Variants in ZSCAN22 observed in about 807,000 individuals in gnomAD.
ZSCAN22 encodes the protein zinc finger and SCAN domain containing 22.
Under a neutral mutation model 12.4 loss-of-function variants are expected in ZSCAN22, and 7 were observed. The ratio of observed to expected loss-of-function variants is 0.57; its 90% CI spans 0.32 to 1.06. The LOEUF is 1.06. Ranked by LOEUF, ZSCAN22 falls within the 50% of genes least tolerant of loss-of-function variation. The pLI, the probability that ZSCAN22 is intolerant of heterozygous loss-of-function variation, is 0.04. For missense variants in ZSCAN22, 576 were observed against 631.7 expected (o/e 0.91, Z 0.94); for synonymous variants, 243 against 255.9 (o/e 0.95, Z 0.48).
Position 58,335,450 on chromosome 19 carries a change from T to G in ZSCAN22, c.403+245T>G, listed in dbSNP as rs1004531905. Among the ~76,000 whole-genome samples, 12 of 152,216 alleles carry G rather than the reference T, an allele frequency of 7.9e-5. No individual in the cohort carries two copies. Among genetic ancestry groups the G allele is most frequent in the African/African-American group, 2.9e-4 (12 of 41,464 alleles). ...GATACGGCTATATCCAGAAGATCTGTTGACAGCATCAGAACTCTCTTCTTC... is the reference window on the plus strand; with the variant it reads ...GATACGGCTATATCCAGAAGATCTGGTGACAGCATCAGAACTCTCTTCTTC... On this transcript the variant is annotated intron_variant, in intron 2 of 2. Coordinates refer to ENST00000329665, the MANE Select transcript of ZSCAN22 (RefSeq NM_181846.3). The surrounding 1 kb of genome is among the most constrained non-coding windows in gnomAD (Gnocchi z 4.1).
chr19:58,333,112 C>T (rs1196077831), intron 1 of ZSCAN22, among the ~76,000 whole-genome samples: 1 of 152,208 alleles, frequency 6.6e-6, no homozygotes, highest in African/African-American at 2.4e-5. Flanking sequence ...TGTCTAGTCA[C>T]ATTCTTTGCT....
chr19:58,332,117 C>T (rs563903746), intron 1 of ZSCAN22, among the ~76,000 whole-genome samples: 4 of 151,994 alleles, frequency 2.6e-5, no homozygotes, highest in Admixed American at 6.5e-5. Context: ...GTGATCTACT[C>T]GCCTCGGTCT....
At chr19:58,328,773 A>G (rs1047477223) in intron 1 of ZSCAN22, among the ~76,000 whole-genome samples, 2 of 152,102 alleles carry the variant, frequency 1.3e-5, no homozygotes, top group African/African-American at 4.8e-5. Context: ...TGCAGCATCT[A>G]TTGTCATCCC....
At chr19:58,330,094 G>A (rs1050212455) in intron 1 of ZSCAN22, among the ~76,000 whole-genome samples, 20 of 152,120 alleles carry the variant, frequency 1.3e-4, no homozygotes, top group African/African-American at 4.8e-4. Flanking sequence ...CGAGACCATC[G>A]TGGCTAATAC....
At chr19:58,332,428 C>A (rs534015474) in intron 1 of ZSCAN22, among the ~76,000 whole-genome samples, 1 of 151,952 alleles carries the variant, frequency 6.6e-6, no homozygotes, top group East Asian at 1.9e-4. Flanking sequence ...TGCCTGCCAC[C>A]ACACCCAGCT....
At chr19:58,336,232 A>C (rs2051796285) in intron 2 of ZSCAN22, among the ~76,000 whole-genome samples, 1 of 152,184 alleles carries the variant, frequency 6.6e-6, no homozygotes, top group Non-Finnish European at 1.5e-5. Context: ...CCCGTGCAGC[A>C]CCTGAAATGG....
rs1278178715 is a variant in ZSCAN22 at position 58,339,004 on chromosome 19, G to A, written c.1154G>A (p.Cys385Tyr). 1 of 1,612,600 alleles carries A rather than the reference G, an allele frequency of 6.2e-7. No homozygotes were observed. The highest frequency in any genetic ancestry group is 8.5e-7 in the Non-Finnish European group (1 of 1,179,154). ...GAGCGGCCCTACGAGTGTGACGCGTGTGGGAAAGCCTTCAGCCAGAGCACG... is the reference window on the plus strand; with the variant it reads ...GAGCGGCCCTACGAGTGTGACGCGTATGGGAAAGCCTTCAGCCAGAGCACG... ...TGERPYECDA[C>Y]GKAFSQSTHL... The change falls in exon 3 of 3, where the codon TGT (cysteine) becomes TAT (tyrosine). Residue 385 changes from cysteine to tyrosine, a missense_variant. By Grantham distance (194) the Cys-to-Tyr change is radical (BLOSUM62 -2). Coordinates refer to ENST00000329665, the MANE Select transcript of ZSCAN22 (RefSeq NM_181846.3). The surrounding 1 kb of genome is among the most constrained non-coding windows in gnomAD (Gnocchi z 5.6).
rs1209978756 is a variant in ZSCAN22, at chr19:58,338,964, C to T, written c.1114C>T (p.Arg372Trp). 1.8e-5 allele frequency: 29 copies of T among 1,613,584 alleles called. No homozygotes were observed. Among genetic ancestry groups the T allele is most frequent in the Middle Eastern group, 3.3e-4 (2 of 6,082 alleles). ...CAGCACTCACCTCACCCAGCACCAG[C>T]GGGTGCACACGGGGGAGCGGCCCTA... ...SRSTHLTQHQ[R>W]VHTGERPYEC... The change falls in exon 3 of 3, where the codon CGG becomes TGG. Residue 372 changes from arginine to tryptophan, a missense_variant. Coordinates refer to ENST00000329665, the MANE Select transcript of ZSCAN22 (RefSeq NM_181846.3). The surrounding 1 kb of genome is among the most constrained non-coding windows in gnomAD (Gnocchi z 5.4).
chr19:58,338,252 AG>A lies in ZSCAN22; in HGVS notation c.404del. ...GTGACAGTGTGGTTCGGACTGTTTCAGGATGGGATCCAGGAGCCGAGCCCAC... is the reference window on the plus strand; with the variant it reads ...GTGACAGTGTGGTTCGGACTGTTTCAGATGGGATCCAGGAGCCGAGCCCAC... On this transcript the variant is annotated splice_acceptor_variant, in intron 2 of 2. Coordinates refer to ENST00000329665, the MANE Select transcript of ZSCAN22 (RefSeq NM_181846.3). LOFTEE classifies it high-confidence loss of function. This position sits in a 1 kb window ranked among gnomAD's most constrained non-coding sequence, Gnocchi z 5.4. 6.3e-7 allele frequency: 1 copy of A among 1,595,684 alleles called. No homozygotes were observed. Among genetic ancestry groups the A allele is most frequent in the Non-Finnish European group, 8.6e-7 (1 of 1,167,250 alleles).
chr19:58,339,143 T>C lies in ZSCAN22; in HGVS notation c.1293T>C (p.Ser431=). 1 of 1,614,180 alleles carries C rather than the reference T, an allele frequency of 6.2e-7. No individual in the cohort carries two copies. The highest frequency in any genetic ancestry group is 8.5e-7 in the Non-Finnish European group (1 of 1,180,034). Residue 431 remains serine (S), a synonymous_variant, in exon 3 of 3, where the codon TCT becomes TCC. Coordinates refer to ENST00000329665, the MANE Select transcript of ZSCAN22 (RefSeq NM_181846.3). The surrounding 1 kb of genome is among the most constrained non-coding windows in gnomAD (Gnocchi z 5.6). ...SALIRHLRIH[S]GEKPYQCKVC... ...TGATCCGACATCTGAGAATCCACTC[T>C]GGAGAGAAGCCATATCAGTGTAAGG...
chr19:58,337,162 C>T (rs1488389102), intron 2 of ZSCAN22, among the ~76,000 whole-genome samples: 1 of 152,240 alleles, frequency 6.6e-6, no homozygotes, highest in Non-Finnish European at 1.5e-5. Flanking sequence ...ACCTCATGTA[C>T]TCACCCCCAG....
rs775441986 is a variant in ZSCAN22, at chr19:58,338,965, G to A, written c.1115G>A (p.Arg372Gln). 12 of 1,613,760 alleles carry A rather than the reference G, an allele frequency of 7.4e-6. No individual in the cohort carries two copies. Among genetic ancestry groups the A allele is most frequent in the African/African-American group, 2.7e-5 (2 of 75,006 alleles). ...SRSTHLTQHQ[R>Q]VHTGERPYEC... The stretch of plus-strand genomic sequence containing the variant: ...AGCACTCACCTCACCCAGCACCAGC[G>A]GGTGCACACGGGGGAGCGGCCCTAC... The change falls in exon 3 of 3, where the codon CGG becomes CAG. Residue 372 changes from arginine (R) to glutamine (Q), a missense_variant. By Grantham distance (43) the Arg-to-Gln change is conservative (BLOSUM62 1). Coordinates refer to ENST00000329665, the MANE Select transcript of ZSCAN22 (RefSeq NM_181846.3). This position sits in a 1 kb window ranked among gnomAD's most constrained non-coding sequence, Gnocchi z 5.4.
At chr19:58,334,712 C>A in intron 1 of ZSCAN22, 40 bp from the exon 2 acceptor site, 2 of 1,411,348 alleles carry the variant, frequency 1.4e-6, no homozygotes, top group South Asian at 1.4e-5. Context: ...GAGGCAGGGC[C>A]CAGGTTCCAT....
Position 58,335,248 on chromosome 19 carries a change from C to G in ZSCAN22, c.403+43C>G, listed in dbSNP as rs776527904. 1.3e-6 allele frequency: 2 copies of G among 1,489,616 alleles called. No homozygotes were observed. Among genetic ancestry groups the G allele is most frequent in the South Asian group, 1.4e-5 (1 of 73,466 alleles). 92.3% of individuals were successfully genotyped at this position (1,489,616 alleles called of 1,614,324 possible). A position where few individuals can be genotyped will look rare whatever the true frequency, so the allele number is the denominator to read the frequency against. ...GCAGCTTCACGGCACACCAGAGATA[C>G]ACCCTGGACAGGAACATGGGAGCAC... is the stretch of plus-strand genomic sequence containing the variant. On this transcript the variant is annotated intron_variant, in intron 2 of 2. Coordinates refer to ENST00000329665, the MANE Select transcript of ZSCAN22 (RefSeq NM_181846.3). This position sits in a 1 kb window ranked among gnomAD's most constrained non-coding sequence, Gnocchi z 4.1.
In ZSCAN22 at chr19:58,338,212, G is replaced by A. The variant is rs1199594845; in HGVS notation, c.404-42G>A. 2 of 1,533,122 alleles carry A rather than the reference G, an allele frequency of 1.3e-6. 1 individual carries two copies. Among genetic ancestry groups the A allele is most frequent in the Middle Eastern group, 4.8e-4 (2 of 4,130 alleles). 95.0% of individuals were successfully genotyped at this position (1,533,122 alleles called of 1,614,324 possible). A position where few individuals can be genotyped will look rare whatever the true frequency, so the allele number is the denominator to read the frequency against. On this transcript the variant is annotated intron_variant, in intron 2 of 2. Transcript: ENST00000329665. The surrounding 1 kb of genome is among the most constrained non-coding windows in gnomAD (Gnocchi z 5.4). ...GCCCTCGGCAGAGTAGGGGAGGCTT[G>A]GTGTGGTAGGAGGAGTGACAGTGTG...
rs142823266 is a variant in ZSCAN22 at position 58,336,028 on chromosome 19, C to T, written c.403+823C>T. Among the ~76,000 whole-genome samples the T allele has an allele frequency of 5.6e-4, 86 of 152,308 alleles. 1 individual carries two copies. Among genetic ancestry groups the T allele is most frequent in the African/African-American group, 2.0e-3 (85 of 41,580 alleles). On this transcript the variant is annotated intron_variant, in intron 2 of 2. Coordinates refer to ENST00000329665, the MANE Select transcript of ZSCAN22 (RefSeq NM_181846.3). ...ACAGATAGGAGGTGGGCATACCACA[C>T]ACTGGGAGGAAACGTGCAGTGTGCA...
At chr19:58,334,639 C>T (rs1444613931) in intron 1 of ZSCAN22, 113 bp from the exon 2 acceptor site, 3 of 775,138 alleles carry the variant, frequency 3.9e-6, no homozygotes, top group Non-Finnish European at 6.0e-6. Flanking sequence ...TTGTCTATGT[C>T]TTTGTGAGAG....
chr19:58,331,633 C>G (rs972430960), intron 1 of ZSCAN22, among the ~76,000 whole-genome samples: 2 of 150,688 alleles, frequency 1.3e-5, no homozygotes, highest in East Asian at 3.9e-4. Flanking sequence ...CAATCTCCAC[C>G]TCCCGGGTTC....
rs2051696186 is a variant in ZSCAN22 at position 58,329,372 on chromosome 19, A to G, written c.-52+2258A>G. Among the ~76,000 whole-genome samples, 1 of 152,232 alleles carries G rather than the reference A, an allele frequency of 6.6e-6. No homozygotes were observed. The highest frequency in any genetic ancestry group is 1.5e-5 in the Non-Finnish European group (1 of 68,042). On this transcript the variant is annotated intron_variant, in intron 1 of 2. Coordinates refer to ENST00000329665, the MANE Select transcript of ZSCAN22 (RefSeq NM_181846.3). This position sits in a 1 kb window ranked among gnomAD's most constrained non-coding sequence, Gnocchi z 4.1. ...AGGCACACTGAGCGTCCTGGCTGAC[A>G]TTGAAGGAAAGGAAAAAGAACTCCA...
Sources: gnomAD v4.1 joint callset for allele counts (sites outside exome capture counted in the v4.1 genomes callset) on GRCh38, gnomAD v4.1.1 for gene constraint, Gnocchi (gnomAD v3.1) non-coding constraint, MANE v1.5 for transcripts, NCBI Gene and HGNC (gene_info 2026-07-23, HGNC 2026-07-21) for gene names.